The following LAS1L variants were observed in gnomAD, a reference collection of about 807,000 sequenced individuals.
LAS1L encodes the protein ribosomal biogenesis protein LAS1L.
A neutral mutation model predicts 57.3 loss-of-function variants in LAS1L; 5 were observed. The observed-to-expected ratio is 0.09, with a 90% CI of 0.05 to 0.18. LAS1L has a LOEUF of 0.18. Among genes scored for constraint, LAS1L ranks in the 10% least tolerant of loss-of-function variants. The pLI is 1.00. For synonymous variants in LAS1L, 245 were observed against 231.7 expected (o/e 1.06, Z -0.52); for missense variants, 360 against 568.3 (o/e 0.63, Z 3.73).
intron 13 of LAS1L, among the ~76,000 whole-genome samples, chrX:65,513,471 G>C (rs2068517877): frequency 8.9e-6 from 1 of 112,479 alleles, no homozygotes; most frequent in African/African-American, 3.2e-5. Context: ...GAGGGTGACA[G>C]CTGAGAGCAA....
chrX:65,532,391 G>A (rs1284135497), intron 3 of LAS1L, among the ~76,000 whole-genome samples, 170 bp downstream of exon 3: 4 of 112,836 alleles, frequency 3.5e-5, no homozygotes, highest in African/African-American at 9.7e-5. Flanking sequence ...TGAGAGCAAG[G>A]GAGCAACTGT....
chrX:65,523,321 G>T, intron 11 of LAS1L: 1 of 318,949 alleles, frequency 3.1e-6, no homozygotes, highest in South Asian at 1.2e-4. Flanking sequence ...GCACTCTAGG[G>T]GGATTGTCTT....
intron 12 of LAS1L, among the ~76,000 whole-genome samples, chrX:65,516,189 C>T (rs1480406221): frequency 9.0e-6 from 1 of 111,464 alleles, no homozygotes; most frequent in Non-Finnish European, 1.9e-5. Flanking sequence ...TCAGGAAGGA[C>T]TGTTCCTCTA....
At chrX:65,516,455 A>G (rs915593008) in intron 12 of LAS1L, among the ~76,000 whole-genome samples, 2 of 110,437 alleles carry the variant, frequency 1.8e-5, no homozygotes, top group Non-Finnish European at 3.8e-5. Flanking sequence ...CTGGATGGCT[A>G]TATCTCACTG....
chrX:65,518,594 G>A lies in LAS1L; in HGVS notation c.1449-129C>T, dbSNP rs1190753526. The A allele has an allele frequency of 3.0e-6, 3 of 990,864 alleles. No homozygotes were observed. In the African/African-American group the frequency reaches 5.8e-5, roughly 19 times the overall value. The allele number at this position is 990,864 out of a possible 1,213,427, so 81.7% of individuals were successfully genotyped here. Reference sequence around the variant, plus strand: ...CTCTGAAAGGCAGTGTAGTAGAGCAGACAGAACATAGAAACAACAGGACCA... The same window carrying A: ...CTCTGAAAGGCAGTGTAGTAGAGCAAACAGAACATAGAAACAACAGGACCA... On this transcript the variant is annotated intron_variant, in intron 11 of 13. Coordinates refer to ENST00000374811, the MANE Select transcript of LAS1L (RefSeq NM_031206.7).
chrX:65,529,230 G>A lies in LAS1L; in HGVS notation c.828C>T (p.Tyr276=). 5 of 1,209,452 alleles carry A rather than the reference G, an allele frequency of 4.1e-6. No individual in the cohort carries two copies. The highest frequency in any genetic ancestry group is 4.5e-6 in the Non-Finnish European group (4 of 893,513). ...TTCTTACCGTAAACTGCTCCTCTTC[G>A]TATGATACCAGCAGTTCTCGGGCTC... The part of the protein sequence containing the change: ...YERARELLVS[Y]EEEQFTVLEK... Residue 276 remains tyrosine (Y), a synonymous_variant, in exon 6 of 14, where the codon TAC becomes TAT. Transcript: ENST00000374811.
intron 10 of LAS1L, 44 bp from the exon 11 acceptor site, chrX:65,523,751 C>A: frequency 8.9e-7 from 1 of 1,127,522 alleles, no homozygotes; most frequent in Non-Finnish European, 1.2e-6. Context: ...GCAGTGAGCC[C>A]CCCACCCAAC....
intron 12 of LAS1L, among the ~76,000 whole-genome samples, chrX:65,516,122 C>T (rs2068618903): frequency 9.0e-6 from 1 of 111,645 alleles, no homozygotes; most frequent in Non-Finnish European, 1.9e-5. Context: ...TCATAATGCC[C>T]CTGGCATTCT....
In LAS1L at chrX:65,529,773, T is replaced by C. The variant is rs761503065; in HGVS notation, c.620A>G (p.Glu207Gly). 8.3e-7 allele frequency: 1 copy of C among 1,211,824 alleles called. No homozygotes were observed. Among genetic ancestry groups the C allele is most frequent in the Non-Finnish European group, 1.1e-6 (1 of 895,428 alleles). The change falls in exon 5 of 14, where the codon GAG (glutamate) becomes GGG (glycine). Residue 207 changes from glutamate (E) to glycine (G), a missense_variant. This residue lies in a region of LAS1L where 51 missense variants were observed against 43.1 expected (regional missense o/e 1.18). Transcript: ENST00000374811. ...WELEEFREGI[E>G]EEDQEEDKNI... ...CTTATCTTCCTCTTGATCCTCTTCC[T>C]CTATCCCTTCCCTGAACTCCTCCAA...
chrX:65,525,177 T>G, intron 7 of LAS1L, 127 bp from the exon 8 acceptor site: 1 of 510,433 alleles, frequency 2.0e-6, no homozygotes, highest in Non-Finnish European at 3.3e-6. Context: ...GGAGGAGGGG[T>G]GGTGGGTGGG....
chrX:65,532,777 C>A, intron 2 of LAS1L, 147 bp from the exon 3 acceptor site: 1 of 466,116 alleles, frequency 2.1e-6, no homozygotes, highest in East Asian at 3.7e-5. Flanking sequence ...AGAGCAGGGA[C>A]AGTTCCATCC....
chrX:65,523,404 T>C, intron 11 of LAS1L, 156 bp downstream of exon 11: 1 of 514,744 alleles, frequency 1.9e-6, no homozygotes, highest in Non-Finnish European at 3.0e-6. Flanking sequence ...ACCCTACCCC[T>C]CCCCTCTCTG....
chrX:65,524,614 T>C lies in LAS1L; in HGVS notation c.1043A>G (p.Asp348Gly). Reference protein sequence around the residue: ...QLAALQIEYEDGQTEVQRGEG... With the variant: ...QLAALQIEYEGGQTEVQRGEG... ...CCCTCTCTGGACCTCAGTCTGACCA[T>C]CTGTAACATGAGGATGTTGGACTAG... is the stretch of plus-strand genomic sequence containing the variant. Residue 348 changes from aspartate (D) to glycine (G), a missense_variant and splice_region_variant, in exon 9 of 14, where the codon GAT becomes GGT. Asp to Gly is a moderately conservative substitution (Grantham distance 94). Coordinates refer to ENST00000374811, the MANE Select transcript of LAS1L (RefSeq NM_031206.7). 1.9e-6 allele frequency: 1 copy of C among 527,196 alleles called. No individual in the cohort carries two copies. Among genetic ancestry groups the C allele is most frequent in the Non-Finnish European group, 3.5e-6 (1 of 287,015 alleles). 43.4% of individuals were successfully genotyped at this position (527,196 alleles called of 1,213,427 possible).
At chrX:65,524,408 C>G (rs1054870452) in intron 9 of LAS1L, 146 bp from the exon 10 acceptor site, 6 of 512,394 alleles carry the variant, frequency 1.2e-5, no homozygotes, top group Non-Finnish European at 2.1e-5. Flanking sequence ...AGCCCCCCAC[C>G]AACAACAGAG....
rs1315416331 is a variant in LAS1L at position 65,512,660 on chromosome X, G to C, written c.*115C>G. 1 of 863,193 alleles carries C rather than the reference G, an allele frequency of 1.2e-6. No homozygotes were observed. Among genetic ancestry groups the C allele is most frequent in the East Asian group, 3.5e-5 (1 of 28,691 alleles). 71.1% of individuals were successfully genotyped at this position (863,193 alleles called of 1,213,427 possible). A position where few individuals can be genotyped will look rare whatever the true frequency, so the allele number is the denominator to read the frequency against. On this transcript the variant is annotated 3_prime_UTR_variant, in exon 14 of 14. Coordinates refer to ENST00000374811, the MANE Select transcript of LAS1L (RefSeq NM_031206.7). Reference sequence around the variant, plus strand: ...AAATTCCCCTGTGGTGGACAACTGAGTTGATGTGGCTGATCCAGGCTGTCT... The same window carrying C: ...AAATTCCCCTGTGGTGGACAACTGACTTGATGTGGCTGATCCAGGCTGTCT...
rs751779510 is a variant in LAS1L, at chrX:65,519,168, G to A, written c.1449-703C>T. On this transcript the variant is annotated intron_variant, in intron 11 of 13. Coordinates refer to ENST00000374811, the MANE Select transcript of LAS1L (RefSeq NM_031206.7). Reference sequence around the variant, plus strand: ...GGGCTTTGTGCAGGAGGTAGGGCCCGGGAAGCCCAGAGACAAGAGCAAGCA... The same window carrying A: ...GGGCTTTGTGCAGGAGGTAGGGCCCAGGAAGCCCAGAGACAAGAGCAAGCA... Among the ~76,000 whole-genome samples the A allele has an allele frequency of 7.2e-5, 8 of 111,639 alleles. No individual in the cohort carries two copies. The South Asian group carries it at 1.5e-3, about 21-fold the overall frequency.
At chrX:65,525,169 A>T in intron 7 of LAS1L, 119 bp from the exon 8 acceptor site, 3 of 515,394 alleles carry the variant, frequency 5.8e-6, no homozygotes, top group East Asian at 3.9e-5. Flanking sequence ...CAGCATAGGG[A>T]GGAGGGGTGG....
chrX:65,518,330 A>C lies in LAS1L; in HGVS notation c.1584T>G (p.Ser528=). Residue 528 remains serine, a synonymous_variant, in exon 12 of 14, where the codon TCT becomes TCG. Transcript: ENST00000374811. The stretch of plus-strand genomic sequence containing the variant: ...AATACAGGCTGTCTAGTGTATATGG[A>C]GACTTCCCAATGGGGGAGGCCTCAG... ...EGSEASPIGK[S]PYTLDSLYWS... 8.3e-7 allele frequency: 1 copy of C among 1,211,791 alleles called. No homozygotes were observed. The highest frequency in any genetic ancestry group is 1.1e-6 in the Non-Finnish European group (1 of 895,500).
rs768004277 is a variant in LAS1L, at chrX:65,533,595, C to T, written c.362+15G>A. ...CCCAAAGCCAACCTCCACCCCTACC[C>T]CATGCAGGTCTTACCTGACCAATGC... On this transcript the variant is annotated intron_variant, in intron 2 of 13. Transcript: ENST00000374811. 8 of 1,209,246 alleles carry T rather than the reference C, an allele frequency of 6.6e-6. No individual in the cohort carries two copies. In the South Asian group the frequency reaches 1.2e-4, roughly 19 times the overall value.
Sources: allele counts gnomAD v4.1 joint callset (sites outside exome capture counted in the v4.1 genomes callset), GRCh38; gene constraint gnomAD v4.1.1; regional missense constraint gnomAD v4.1.1; transcripts MANE v1.5; gene names NCBI Gene and HGNC (gene_info 2026-07-23, HGNC 2026-07-21).